Variants in CXADR observed in about 807,000 individuals in gnomAD.
CXADR encodes the protein coxsackievirus and adenovirus receptor.
CXADR carries 20 observed loss-of-function variants against 40.3 expected under a neutral mutation model. The ratio of observed to expected loss-of-function variants is 0.50; its 90% confidence interval spans 0.35 to 0.72. The LOEUF (loss-of-function observed/expected upper bound fraction) is 0.72. Among genes scored for constraint, CXADR ranks in the 30% least tolerant of loss-of-function variants. CXADR has a pLI of 0.01. For synonymous variants in CXADR, 150 were observed against 161.3 expected (o/e 0.93, Z 0.53); for missense variants, 332 against 449.1 (o/e 0.74, Z 2.36).
At chr21:17,595,316 T>A (rs181528962), downstream of CXADR, among the ~76,000 whole-genome samples, 17 of 152,174 alleles carry the variant, frequency 1.1e-4, no homozygotes, top group African/African-American at 3.6e-4. Flanking sequence ...TTTAAAAAAA[T>A]TATATTGTGT....
Position 17,525,295 on chromosome 21 carries a change from T to C in CXADR, c.43+12123T>C, listed in dbSNP as rs555403409. Among the ~76,000 whole-genome samples, 3 of 152,346 alleles carry C rather than the reference T, an allele frequency of 2.0e-5. 1 individual carries two copies. The highest frequency in any genetic ancestry group is 2.0e-4 in the Admixed American group (3 of 15,302). On this transcript the variant is annotated intron_variant, in intron 1 of 6. Coordinates refer to ENST00000284878, the MANE Select transcript of CXADR (RefSeq NM_001338.5). ...TTTACTTCTAAGAAATAAAAGTATG[T>C]TAAGATTTTAAGAAGAAACAACATA...
chr21:17,601,858 T>G, the CXADR span, among the ~76,000 whole-genome samples: 1 of 152,216 alleles, frequency 6.6e-6, no homozygotes, highest in Non-Finnish European at 1.5e-5. Context: ...ATCTAATGAT[T>G]GAAGGATCAG....
At chr21:17,531,230 C>T (rs780793796) in intron 1 of CXADR, among the ~76,000 whole-genome samples, 18 of 150,596 alleles carry the variant, frequency 1.2e-4, no homozygotes, top group Admixed American at 5.3e-4. Flanking sequence ...ACCAGGGAGG[C>T]GGAGGTTGCA....
At chr21:17,620,300 T>C in the CXADR span, among the ~76,000 whole-genome samples, 4 of 152,186 alleles carry the variant, frequency 2.6e-5, no homozygotes, top group South Asian at 8.3e-4. Flanking sequence ...TTCAATGTTG[T>C]TGTGTCTCAG....
chr21:17,618,927 A>C, the CXADR span, among the ~76,000 whole-genome samples: 1 of 152,298 alleles, frequency 6.6e-6, no homozygotes, highest in Non-Finnish European at 1.5e-5. Context: ...AGGGCATGAA[A>C]CAACACTAAT....
At chr21:17,563,940 C>CAAAAAAAAAAAAAGAAAAA (rs2061162326) in intron 6 of CXADR, among the ~76,000 whole-genome samples, 1 of 37,222 alleles carries the variant, frequency 2.7e-5, no homozygotes. Flanking sequence ...GACTCTGTCT[C>CAAAAAAAAAAAAAGAAAAA]AAAAAAAAAA....
Position 17,568,032 on chromosome 21 carries a change from A to G in CXADR, c.*2340A>G, listed in dbSNP as rs1195529481. The stretch of plus-strand genomic sequence containing the variant: ...GATAATTTAGTTGAACCAGAGATCA[A>G]ATATTTGCTCCCGAATTACTACTGG... On this transcript the variant is annotated 3_prime_UTR_variant, in exon 7 of 7. Transcript: ENST00000284878. The G allele has an allele frequency of 2.0e-6, 2 of 985,260 alleles. No homozygotes were observed. The highest frequency in any genetic ancestry group is 2.4e-6 in the Non-Finnish European group (2 of 829,884). The allele number at this position is 985,260 out of a possible 1,614,324, so 61.0% of individuals were successfully genotyped here.
chr21:17,635,659 A>C, the CXADR span, among the ~76,000 whole-genome samples: 1 of 152,224 alleles, frequency 6.6e-6, no homozygotes, highest in Non-Finnish European at 1.5e-5. Context: ...TTTATCCACT[A>C]ATTCTACTCT....
downstream of CXADR, among the ~76,000 whole-genome samples, chr21:17,573,125 T>C (rs2061292037): frequency 6.6e-6 from 1 of 152,208 alleles, no homozygotes; most frequent in Non-Finnish European, 1.5e-5. Flanking sequence ...TGTCTTTGGC[T>C]TGTAGGTGAC....
intron 3 of CXADR, among the ~76,000 whole-genome samples, chr21:17,555,431 T>C (rs1376636791): frequency 6.6e-6 from 1 of 152,260 alleles, no homozygotes; most frequent in East Asian, 1.9e-4. Context: ...AGGAAGTTTC[T>C]GAGAGTGGAT....
At chr21:17,531,384 A>G (rs985119267) in intron 1 of CXADR, among the ~76,000 whole-genome samples, 2 of 151,862 alleles carry the variant, frequency 1.3e-5, no homozygotes, top group African/African-American at 4.8e-5. Context: ...CATTTTGACT[A>G]TTCTGGTGGA....
At chr21:17,608,038 A>C in the CXADR span, among the ~76,000 whole-genome samples, 1 of 152,238 alleles carries the variant, frequency 6.6e-6, no homozygotes, top group African/African-American at 2.4e-5. Flanking sequence ...CAGAAAGCCC[A>C]TGAAAACATG....
At chr21:17,634,249 T>TG in the CXADR span, among the ~76,000 whole-genome samples, 7 of 152,130 alleles carry the variant, frequency 4.6e-5, no homozygotes, top group East Asian at 1.9e-4. Context: ...AAGTCCTATA[T>TG]GGGGGGGATC....
At chr21:17,633,658 C>G in the CXADR span, among the ~76,000 whole-genome samples, 2,042 of 152,310 alleles carry the variant, frequency 0.013, 21 homozygotes, top group Non-Finnish European at 0.022. Context: ...AATTAGACAG[C>G]CTTTGTTCAC....
chr21:17,555,128 A>G (rs529379490), intron 3 of CXADR, among the ~76,000 whole-genome samples: 1 of 152,334 alleles, frequency 6.6e-6, no homozygotes, highest in East Asian at 1.9e-4. Flanking sequence ...TTGTGGCCAT[A>G]TATCACGGGC....
At chr21:17,633,646 G>A in the CXADR span, among the ~76,000 whole-genome samples, 34 of 152,284 alleles carry the variant, frequency 2.2e-4, no homozygotes, top group African/African-American at 6.7e-4. Context: ...CTTTATCTGC[G>A]TAATTAGACA....
At chr21:17,538,937 C>T (rs1038998560) in intron 1 of CXADR, among the ~76,000 whole-genome samples, 3 of 152,146 alleles carry the variant, frequency 2.0e-5, no homozygotes, top group Non-Finnish European at 1.5e-5. Context: ...ATCCAGGCCA[C>T]GTGAAAGATA....
Position 17,565,929 on chromosome 21 carries a change from G to A in CXADR, c.*237G>A. 3 of 1,193,100 alleles carry A rather than the reference G, an allele frequency of 2.5e-6. No individual in the cohort carries two copies. The highest frequency in any genetic ancestry group is 3.1e-6 in the Non-Finnish European group (3 of 960,968). The allele number at this position is 1,193,100 out of a possible 1,614,324, so 73.9% of individuals were successfully genotyped here. ...GAAAAAGCTGGATTTTCTTTAAGAG[G>A]TTGATTATAAAGTTTTCTAAATTTA... On this transcript the variant is annotated 3_prime_UTR_variant, in exon 7 of 7. Coordinates refer to ENST00000284878, the MANE Select transcript of CXADR (RefSeq NM_001338.5).
intron 6 of CXADR, among the ~76,000 whole-genome samples, chr21:17,565,175 A>G (rs2061186612): frequency 1.3e-5 from 2 of 152,204 alleles, no homozygotes; most frequent in Non-Finnish European, 1.5e-5. Context: ...ACATTTGTGT[A>G]AATACCATAT....
Sources: allele counts gnomAD v4.1 joint callset (sites outside exome capture counted in the v4.1 genomes callset), GRCh38; gene constraint gnomAD v4.1.1; transcripts MANE v1.5; gene names NCBI Gene and HGNC (gene_info 2026-07-23, HGNC 2026-07-21).